The following TOM1L1 variants were observed in gnomAD, a reference collection of about 807,000 sequenced individuals.
TOM1L1 encodes the protein target of myb1 like 1 membrane trafficking protein, also known as TOM1-like protein 1.
A neutral mutation model predicts 63.4 loss-of-function variants in TOM1L1; 64 were observed. That is an observed-to-expected ratio of 1.01 (90% CI 0.83 to 1.24). The LOEUF is 1.24. Ranked by LOEUF, TOM1L1 falls within the 50% of genes most tolerant of loss-of-function variation. The probability of loss-of-function intolerance (pLI) is 0.00; values close to 1 mark genes in which losing one functional copy is unlikely to be tolerated. For synonymous variants in TOM1L1, 166 were observed against 194.4 expected, an observed-to-expected ratio of 0.85 and a Z score of 1.22; for missense variants, 536 against 567.0, an observed-to-expected ratio of 0.95 and a Z score of 0.55.
At chr17:54,913,534 C>T (rs1478573984) in intron 4 of TOM1L1, among the ~76,000 whole-genome samples, 4 of 151,978 alleles carry the variant, frequency 2.6e-5, no homozygotes, top group African/African-American at 9.7e-5. Flanking sequence ...GGCGTGGTGG[C>T]GGGCGCCTGT....
intron 14 of TOM1L1, chr17:54,958,254 GTAAGA>G (rs756785654): frequency 3.9e-5 from 6 of 152,230 alleles, no homozygotes; most frequent in Non-Finnish European, 5.9e-5. Flanking sequence ...GGGCAGACAA[GTAAGA>G]TAAGAACTGA....
At chr17:54,943,327 A>G (rs568026079) in intron 11 of TOM1L1, among the ~76,000 whole-genome samples, 18 of 151,870 alleles carry the variant, frequency 1.2e-4, no homozygotes, top group Non-Finnish European at 1.8e-4. Flanking sequence ...TTATATAGTT[A>G]TTCTATGTGT....
At chr17:54,958,623 C>T (rs769069562) in intron 14 of TOM1L1, among the ~76,000 whole-genome samples, 3 of 151,154 alleles carry the variant, frequency 2.0e-5, no homozygotes, top group African/African-American at 7.3e-5. Flanking sequence ...TCCAACTATT[C>T]GGGAGGATGA....
chr17:54,960,663 T>G (rs1252416013), intron 15 of TOM1L1, 36 bp downstream of exon 15: 1 of 1,459,800 alleles, frequency 6.9e-7, no homozygotes, highest in Non-Finnish European at 9.6e-7. Flanking sequence ...AATTCCATAT[T>G]CCATATAATT....
chr17:54,915,744 A>G lies in TOM1L1; in HGVS notation c.604-2A>G, dbSNP rs368512863. On this transcript the variant is annotated splice_acceptor_variant, in intron 6 of 15. Transcript: ENST00000575882. LOFTEE classifies it high-confidence loss of function. ...GACTGGTGATTGTGTTGCTCTCTAC[A>G]GATTGGAAAACTGCACAGTGAATTG... 2 of 1,601,080 alleles carry G rather than the reference A, an allele frequency of 1.2e-6. No individual in the cohort carries two copies. Among genetic ancestry groups the G allele is most frequent in the African/African-American group, 2.7e-5 (2 of 74,314 alleles).
intron 3 of TOM1L1, among the ~76,000 whole-genome samples, chr17:54,909,087 T>C (rs1020114494): frequency 6.6e-6 from 1 of 152,122 alleles, no homozygotes; most frequent in African/African-American, 2.4e-5. Context: ...GGTAATACCC[T>C]GTCTCTACTG....
intron 4 of TOM1L1, among the ~76,000 whole-genome samples, chr17:54,913,156 A>G (rs2048522988): frequency 6.6e-6 from 1 of 152,212 alleles, no homozygotes; most frequent in Non-Finnish European, 1.5e-5. Context: ...TTATTTTAGA[A>G]TCTATTAATT....
At chr17:54,906,644 C>A in intron 3 of TOM1L1, 1 of 481,450 alleles carries the variant, frequency 2.1e-6, no homozygotes, top group Non-Finnish European at 2.7e-6. Context: ...GTTCTGCTGC[C>A]TGGCGTGATT....
chr17:54,923,447 C>G (rs1255634192), intron 7 of TOM1L1, among the ~76,000 whole-genome samples: 1 of 151,588 alleles, frequency 6.6e-6, no homozygotes, highest in Non-Finnish European at 1.5e-5. Flanking sequence ...GAAGTGGTAT[C>G]TCATTATGGT....
chr17:54,951,248 A>G (rs369822768), intron 14 of TOM1L1, among the ~76,000 whole-genome samples: 14 of 152,216 alleles, frequency 9.2e-5, no homozygotes, highest in African/African-American at 3.1e-4. Flanking sequence ...GAAGAGATGC[A>G]CAGGGCGAGG....
intron 14 of TOM1L1, among the ~76,000 whole-genome samples, chr17:54,950,347 A>G (rs767513399): frequency 1.3e-5 from 2 of 152,220 alleles, no homozygotes; most frequent in Non-Finnish European, 2.9e-5. Context: ...TTGCATGTTA[A>G]GAAATAACTG....
At chr17:54,918,822 A>G (rs1239755382) in intron 7 of TOM1L1, among the ~76,000 whole-genome samples, 2 of 152,360 alleles carry the variant, frequency 1.3e-5, no homozygotes, top group Admixed American at 1.3e-4. Flanking sequence ...TCACTGATAC[A>G]GCTAAGAGTC....
At chr17:54,923,567 A>G (rs1686302040) in intron 7 of TOM1L1, among the ~76,000 whole-genome samples, 1 of 151,442 alleles carries the variant, frequency 6.6e-6, no homozygotes, top group African/African-American at 2.4e-5. Flanking sequence ...TTTTTTTGAG[A>G]TGGAGTCTTG....
chr17:54,961,120 TTTC>T, intron 15 of TOM1L1, 112 bp from the exon 16 acceptor site: 1 of 763,490 alleles, frequency 1.3e-6, no homozygotes, highest in African/African-American at 1.8e-5. Context: ...CATTCTTACC[TTTC>T]TTCTACTAGA....
At chr17:54,945,488 A>G (rs73321507) in intron 11 of TOM1L1, among the ~76,000 whole-genome samples, 4,839 of 152,094 alleles carry the variant, frequency 0.032, 243 homozygotes, top group African/African-American at 0.11. Flanking sequence ...TCCTGCTGGA[A>G]CCCTGATGAC....
At chr17:54,928,682 T>C (rs2877636) in intron 7 of TOM1L1, among the ~76,000 whole-genome samples, 42,752 of 152,054 alleles carry the variant, frequency 0.28, 6,222 homozygotes, top group South Asian at 0.31. Context: ...TCTGGAGCTT[T>C]AAGAACAACA....
Position 54,939,133 on chromosome 17 carries a change from G to A in TOM1L1, c.1130+113G>A, listed in dbSNP as rs971900223. The A allele has an allele frequency of 2.0e-5, 13 of 656,826 alleles. No homozygotes were observed. The South Asian group carries it at 3.7e-4, about 19-fold the overall frequency. 40.7% of individuals were successfully genotyped at this position (656,826 alleles called of 1,614,324 possible). A position where few individuals can be genotyped will look rare whatever the true frequency, so the allele number is the denominator to read the frequency against. On this transcript the variant is annotated intron_variant, in intron 11 of 15. Transcript: ENST00000575882. The stretch of plus-strand genomic sequence containing the variant: ...TTACATCTGTAATCCTAGCACTTTG[G>A]GAGGCCAAGGCACATGGATCACTTG...
chr17:54,919,524 G>C (rs1339729467), intron 7 of TOM1L1, among the ~76,000 whole-genome samples: 1 of 152,124 alleles, frequency 6.6e-6, no homozygotes. Context: ...GCAGATGTTT[G>C]GTTGAATTTT....
Position 54,938,493 on chromosome 17 carries a change from CAAAAA to C in TOM1L1, c.1034-413_1034-409del, listed in dbSNP as rs34581628. On this transcript the variant is annotated intron_variant, in intron 10 of 15. Transcript: ENST00000575882. Reference sequence around the variant, plus strand: ...TGGGTGACAAAGTGAGACTCCATCTCAAAAAAAAAAAAAAAAAAAAAAGATTATGG... The same window carrying C: ...TGGGTGACAAAGTGAGACTCCATCTCAAAAAAAAAAAAAAAAAGATTATGG... 4.8e-3 allele frequency: 344 copies of C among 71,106 alleles called. 7 individuals carry two copies. Among genetic ancestry groups the C allele is most frequent in the East Asian group, 0.048 (111 of 2,312 alleles). The allele number at this position is 71,106 out of a possible 1,614,324, so 4.4% of individuals were successfully genotyped here.
Sources: gnomAD v4.1 joint callset for allele counts (sites outside exome capture counted in the v4.1 genomes callset) on GRCh38, gnomAD v4.1.1 for gene constraint, MANE v1.5 for transcripts, NCBI Gene and HGNC (gene_info 2026-07-23, HGNC 2026-07-21) for gene names.